KHDRBS2: variants seen among roughly 807,000 people sequenced by gnomAD.
KHDRBS2 encodes the protein KH RNA binding domain containing, signal transduction associated 2, also known as KH domain-containing, RNA-binding, signal transduction-associated protein 2.
In KHDRBS2, 26 loss-of-function variants were observed where a neutral mutation model predicts 44.3. That is an observed-to-expected ratio of 0.59 (90% CI 0.43 to 0.81). The LOEUF (loss-of-function observed/expected upper bound fraction) is 0.81, where lower values mean the gene tolerates loss of function less well. Ranked by LOEUF, KHDRBS2 falls within the 40% of genes least tolerant of loss-of-function variation. KHDRBS2 has a pLI of 0.00. For synonymous variants in KHDRBS2, 194 were observed against 151.1 expected (o/e 1.28, Z -2.08); for missense variants, 476 against 433.1 (o/e 1.10, Z -0.88).
chr6:62,227,961 A>G (rs1442547299), intron 1 of KHDRBS2, among the ~76,000 whole-genome samples: 3 of 152,164 alleles, frequency 2.0e-5, no homozygotes, highest in Non-Finnish European at 4.4e-5. Context: ...GATGTTCATC[A>G]TGGATATTGG....
intron 3 of KHDRBS2, among the ~76,000 whole-genome samples, chr6:61,981,565 A>G (rs1355993096): frequency 6.6e-6 from 1 of 152,098 alleles, no homozygotes; most frequent in Non-Finnish European, 1.5e-5. Context: ...TCACTTAAGT[A>G]AGTGGATAAC....
At chr6:62,120,598 T>C (rs1333303643) in intron 2 of KHDRBS2, among the ~76,000 whole-genome samples, 4 of 152,230 alleles carry the variant, frequency 2.6e-5, no homozygotes, top group African/African-American at 9.6e-5. Flanking sequence ...GTCTGATTCA[T>C]GTAGAGCTCT....
At chr6:61,615,386 G>T in the KHDRBS2 span, among the ~76,000 whole-genome samples, 1 of 152,056 alleles carries the variant, frequency 6.6e-6, no homozygotes, top group South Asian at 2.1e-4. Context: ...TTAGCAAAGT[G>T]CTGAACCTTT....
chr6:61,907,890 A>T (rs1290279361), intron 4 of KHDRBS2, among the ~76,000 whole-genome samples: 2 of 152,232 alleles, frequency 1.3e-5, no homozygotes, highest in Non-Finnish European at 2.9e-5. Context: ...CTGATGCTTC[A>T]GTTATATAAA....
chr6:61,822,202 C>T (rs536291568), intron 6 of KHDRBS2, among the ~76,000 whole-genome samples: 28 of 151,974 alleles, frequency 1.8e-4, no homozygotes, highest in African/African-American at 6.3e-4. Context: ...CCTATAGGTA[C>T]CTCCAAATCA....
At chr6:62,012,913 G>A (rs1490859791) in intron 3 of KHDRBS2, among the ~76,000 whole-genome samples, 2 of 152,122 alleles carry the variant, frequency 1.3e-5, no homozygotes, top group Non-Finnish European at 2.9e-5. Context: ...TTTAAGTTTA[G>A]TGAAAGCAGA....
At chr6:62,000,137 G>A (rs1278793605) in intron 3 of KHDRBS2, among the ~76,000 whole-genome samples, 1 of 152,136 alleles carries the variant, frequency 6.6e-6, no homozygotes, top group African/African-American at 2.4e-5. Context: ...GTGTGTGTGT[G>A]TGTATGCACA....
At chr6:62,258,374 C>A (rs1372469123) in intron 1 of KHDRBS2, among the ~76,000 whole-genome samples, 2 of 151,916 alleles carry the variant, frequency 1.3e-5, no homozygotes, top group Admixed American at 6.6e-5. Flanking sequence ...GCTTAGTTAC[C>A]CTGAACAGAT....
intron 5 of KHDRBS2, among the ~76,000 whole-genome samples, chr6:61,895,898 A>T (rs1241977465): frequency 2.0e-5 from 3 of 152,216 alleles, no homozygotes; most frequent in African/African-American, 7.2e-5. Context: ...TTAAAATAAA[A>T]GTGAGCATTT....
the KHDRBS2 span, among the ~76,000 whole-genome samples, chr6:61,614,115 G>T: frequency 6.6e-6 from 1 of 152,098 alleles, no homozygotes; most frequent in Non-Finnish European, 1.5e-5. Context: ...AGAGAATGAG[G>T]TTCCCAAATA....
the KHDRBS2 span, among the ~76,000 whole-genome samples, chr6:61,581,643 T>C: frequency 6.7e-6 from 1 of 148,398 alleles, no homozygotes; most frequent in Non-Finnish European, 1.5e-5. Context: ...TATTTAAATA[T>C]AGTTAAAAAT....
intron 1 of KHDRBS2, among the ~76,000 whole-genome samples, chr6:62,256,414 G>C (rs1369027816): frequency 6.6e-6 from 1 of 151,812 alleles, no homozygotes; most frequent in Non-Finnish European, 1.5e-5. Context: ...AATCATGGGG[G>C]GTGAGTCTTT....
rs1470636275 is a variant in KHDRBS2, at chr6:61,955,513, TATGTATGTATGTATAC to T, written c.483+22537_483+22552del. On this transcript the variant is annotated intron_variant, in intron 4 of 8. Coordinates refer to ENST00000281156, the MANE Select transcript of KHDRBS2 (RefSeq NM_152688.4). The stretch of plus-strand genomic sequence containing the variant: ...ATGTATACATGTGTATATATACACA[TATGTATGTATGTATAC>T]ATGTGTATATATACACATATGTATG... Among the ~76,000 whole-genome samples, 358 of 71,014 alleles carry T rather than the reference TATGTATGTATGTATAC, an allele frequency of 5.0e-3. 104 individuals carry two copies. The highest frequency in any genetic ancestry group is 9.9e-3 in the African/African-American group (166 of 16,722). The allele number at this position is 71,014 out of a possible 152,430, so 46.6% of individuals were successfully genotyped here.
the KHDRBS2 span, among the ~76,000 whole-genome samples, chr6:61,668,130 T>C: frequency 3.3e-5 from 5 of 150,996 alleles, no homozygotes; most frequent in Non-Finnish European, 7.4e-5. Flanking sequence ...ATATATAGTA[T>C]TATATACCAA....
chr6:61,956,062 G>A (rs919468767), intron 4 of KHDRBS2, among the ~76,000 whole-genome samples: 16 of 151,982 alleles, frequency 1.1e-4, no homozygotes, highest in Non-Finnish European at 1.5e-4. Context: ...GCGTGGTGGT[G>A]TGCGTCTGTA....
intron 4 of KHDRBS2, among the ~76,000 whole-genome samples, chr6:61,942,542 A>G (rs1040885363): frequency 1.3e-5 from 2 of 152,142 alleles, no homozygotes; most frequent in African/African-American, 4.8e-5. Flanking sequence ...AAAATAAAGA[A>G]TAAAAAAGAA....
chr6:62,194,632 TG>T (rs1825296332), intron 1 of KHDRBS2, among the ~76,000 whole-genome samples: 1 of 150,708 alleles, frequency 6.6e-6, no homozygotes, highest in Non-Finnish European at 1.5e-5. Context: ...CCCAAGAAAC[TG>T]GGATTAAAGT....
At chr6:62,182,553 T>C (rs1164612201) in intron 1 of KHDRBS2, among the ~76,000 whole-genome samples, 1 of 151,950 alleles carries the variant, frequency 6.6e-6, no homozygotes, top group African/African-American at 2.4e-5. Flanking sequence ...AATGGTTTCA[T>C]AGGGGTATAC....
chr6:62,028,872 C>G (rs1369979941), intron 3 of KHDRBS2, among the ~76,000 whole-genome samples: 1 of 151,984 alleles, frequency 6.6e-6, no homozygotes, highest in Non-Finnish European at 1.5e-5. Flanking sequence ...ACCTCTTTGT[C>G]TTAGTGTATG....
Sources: allele counts gnomAD v4.1 joint callset (sites outside exome capture counted in the v4.1 genomes callset), GRCh38; gene constraint gnomAD v4.1.1; transcripts MANE v1.5; gene names NCBI Gene and HGNC (gene_info 2026-07-23, HGNC 2026-07-21).